Variants in VPS13B observed in about 807,000 individuals in gnomAD.
VPS13B encodes intermembrane lipid transfer protein VPS13B.
VPS13B carries 285 observed loss-of-function variants against 426.4 expected under a neutral mutation model. That is an observed-to-expected ratio of 0.67 (90% CI 0.61 to 0.74). VPS13B has a LOEUF of 0.74. Ranked by LOEUF, VPS13B falls within the 30% of genes least tolerant of loss-of-function variation. The pLI is 0.00. For synonymous variants in VPS13B, 1,676 were observed against 1,676.4 expected, an observed-to-expected ratio of 1.00 and a Z score of 0.01; for missense variants, 4,537 against 4,782.6, an observed-to-expected ratio of 0.95 and a Z score of 1.51.
At chr8:99,826,174 T>G (rs988121846) in intron 51 of VPS13B, among the ~76,000 whole-genome samples, 3 of 152,232 alleles carry the variant, frequency 2.0e-5, no homozygotes, top group African/African-American at 4.8e-5. Context: ...ATGGCCATTT[T>G]CATGATACTG....
chr8:99,501,978 CGTCTGTCT>C (rs1243502603), intron 26 of VPS13B, 120 bp downstream of exon 26: 1 of 1,132,918 alleles, frequency 8.8e-7, no homozygotes, highest in Non-Finnish European at 1.2e-6. Flanking sequence ...TCTGTCTTTC[CGTCTGTCT>C]GTCTGTCTTT....
chr8:99,336,396 A>G (rs1285807443), intron 19 of VPS13B, among the ~76,000 whole-genome samples: 1 of 152,200 alleles, frequency 6.6e-6, no homozygotes, highest in Non-Finnish European at 1.5e-5. Flanking sequence ...CGTTAGACCT[A>G]AAACCATGAA....
chr8:99,168,262 A>T (rs1054143677), intron 15 of VPS13B, among the ~76,000 whole-genome samples: 2 of 152,074 alleles, frequency 1.3e-5, no homozygotes, highest in African/African-American at 2.4e-5. Flanking sequence ...AAAGACTTTT[A>T]AAAAAATGAC....
intron 33 of VPS13B, among the ~76,000 whole-genome samples, chr8:99,616,758 G>A (rs535083441): frequency 7.2e-5 from 11 of 152,224 alleles, no homozygotes; most frequent in Admixed American, 3.9e-4. Context: ...CCGGGAGGCC[G>A]AAGTTGCGGT....
rs1818823991 is a variant in VPS13B, at chr8:99,275,076, T to G, written c.2651-5T>G. The G allele has an allele frequency of 6.3e-7, 1 of 1,596,514 alleles. No homozygotes were observed. The highest frequency in any genetic ancestry group is 8.5e-7 in the Non-Finnish European group (1 of 1,173,354). ...TATTATTGTTTTATAAATATTTCTT[T>G]TCAGTTGATAGTGGAAAAGAGAAGT... On this transcript the variant is annotated splice_region_variant and splice_polypyrimidine_tract_variant and intron_variant, in intron 18 of 61. Coordinates refer to ENST00000357162, the MANE Select transcript of VPS13B (RefSeq NM_152564.5).
At chr8:99,129,030 A>G (rs1458088169) in intron 8 of VPS13B, among the ~76,000 whole-genome samples, 6 of 152,106 alleles carry the variant, frequency 3.9e-5, no homozygotes, top group Non-Finnish European at 7.4e-5. Context: ...AGATAATTCA[A>G]TGTTTTCTAA....
chr8:99,815,265 T>C (rs559574476), intron 44 of VPS13B, among the ~76,000 whole-genome samples: 10 of 152,098 alleles, frequency 6.6e-5, no homozygotes, highest in African/African-American at 2.4e-4. Context: ...TCCCATCTGA[T>C]TACAAAGGCC....
chr8:99,063,637 G>A (rs1257950129), intron 3 of VPS13B, among the ~76,000 whole-genome samples: 1 of 152,224 alleles, frequency 6.6e-6, no homozygotes, highest in East Asian at 1.9e-4. Context: ...CACCTCTGGG[G>A]ACAGGGCATA....
intron 33 of VPS13B, among the ~76,000 whole-genome samples, chr8:99,581,444 T>C (rs1826054070): frequency 6.6e-6 from 1 of 152,180 alleles, no homozygotes; most frequent in Admixed American, 6.5e-5. Flanking sequence ...ACAAAAATTT[T>C]CCAATATTTT....
intron 43 of VPS13B, among the ~76,000 whole-genome samples, chr8:99,794,676 G>C (rs529668116): frequency 7.9e-5 from 12 of 152,158 alleles, no homozygotes; most frequent in East Asian, 1.9e-4. Context: ...TTTTCATTTT[G>C]TACTGTCTTT....
At chr8:99,812,333 A>G (rs765448254) in intron 44 of VPS13B, among the ~76,000 whole-genome samples, 11 of 152,194 alleles carry the variant, frequency 7.2e-5, no homozygotes, top group Non-Finnish European at 8.8e-5. Flanking sequence ...GGAAGGAAGA[A>G]GGGAACCAAG....
chr8:99,135,008 C>T lies in VPS13B; in HGVS notation c.1303-7C>T. Reference sequence around the variant, plus strand: ...TCTTAGTTCTAATGTTTCCTTTCGTCTTATAGGCCCTTATGATGGGAGAAC... The same window carrying T: ...TCTTAGTTCTAATGTTTCCTTTCGTTTTATAGGCCCTTATGATGGGAGAAC... On this transcript the variant is annotated splice_polypyrimidine_tract_variant and splice_region_variant and intron_variant, in intron 9 of 61. Transcript: ENST00000357162. 1 of 1,613,334 alleles carries T rather than the reference C, an allele frequency of 6.2e-7. No individual in the cohort carries two copies. Among genetic ancestry groups the T allele is most frequent in the Non-Finnish European group, 8.5e-7 (1 of 1,179,476 alleles).
intron 33 of VPS13B, among the ~76,000 whole-genome samples, chr8:99,604,466 A>T (rs565730520): frequency 6.7e-6 from 1 of 150,222 alleles, no homozygotes; most frequent in Non-Finnish European, 1.5e-5. Context: ...TTCCTCTAGA[A>T]TACGACAGTT....
intron 21 of VPS13B, among the ~76,000 whole-genome samples, chr8:99,428,523 A>T (rs1252014882): frequency 1.3e-5 from 2 of 152,210 alleles, no homozygotes; most frequent in African/African-American, 4.8e-5. Context: ...GCCAAAAGAC[A>T]CATGAAAAAA....
intron 3 of VPS13B, among the ~76,000 whole-genome samples, chr8:99,063,288 A>G (rs941352054): frequency 6.6e-6 from 1 of 152,208 alleles, no homozygotes; most frequent in African/African-American, 2.4e-5. Context: ...CGGGAAGTGC[A>G]AGGGGTCGGG....
intron 30 of VPS13B, among the ~76,000 whole-genome samples, chr8:99,536,384 A>G (rs1410884511): frequency 6.6e-6 from 1 of 152,248 alleles, no homozygotes; most frequent in African/African-American, 2.4e-5. Flanking sequence ...AAAAATCCAT[A>G]TATGAAGATT....
intron 19 of VPS13B, among the ~76,000 whole-genome samples, chr8:99,336,283 A>T (rs1810860214): frequency 6.6e-6 from 1 of 152,202 alleles, no homozygotes; most frequent in African/African-American, 2.4e-5. Context: ...CTATTTAATA[A>T]ATGGTGCTGG....
At chr8:99,682,450 T>A (rs1831193770) in intron 35 of VPS13B, among the ~76,000 whole-genome samples, 1 of 152,266 alleles carries the variant, frequency 6.6e-6, no homozygotes. Flanking sequence ...AAGTCTTTTG[T>A]CAGATAAGTA....
At chr8:99,141,426 C>T (rs1416996759) in intron 12 of VPS13B, among the ~76,000 whole-genome samples, 1 of 152,096 alleles carries the variant, frequency 6.6e-6, no homozygotes, top group Admixed American at 6.5e-5. Context: ...CATAGCAGGG[C>T]ATTTTTATTG....
Sources: allele counts gnomAD v4.1 joint callset (sites outside exome capture counted in the v4.1 genomes callset), GRCh38; gene constraint gnomAD v4.1.1; transcripts MANE v1.5; gene names NCBI Gene and HGNC (gene_info 2026-07-23, HGNC 2026-07-21).